ATP8A2: variants seen among roughly 807,000 people sequenced by gnomAD.
The protein encoded by ATP8A2 is ATPase phospholipid transporting 8A2.
Under a neutral mutation model 165.6 loss-of-function variants are expected in ATP8A2, and 100 were observed. The ratio of observed to expected loss-of-function variants is 0.60; its 90% CI spans 0.51 to 0.71. The LOEUF (loss-of-function observed/expected upper bound fraction) is 0.71. ATP8A2 is among the 30% of genes least tolerant of loss of function. The pLI is 0.00. For missense variants in ATP8A2, 1,227 were observed against 1,479.5 expected (o/e 0.83, Z 2.80); for synonymous variants, 543 against 548.8 (o/e 0.99, Z 0.15).
At chr13:25,617,872 AT>A (rs2040866671) in intron 24 of ATP8A2, among the ~76,000 whole-genome samples, 1 of 152,170 alleles carries the variant, frequency 6.6e-6, no homozygotes, top group African/African-American at 2.4e-5. Context: ...CTAAAATCTT[AT>A]GAGTTGAGAC....
At chr13:25,465,540 TC>T (rs1232749385) in intron 1 of ATP8A2, among the ~76,000 whole-genome samples, 1 of 144,824 alleles carries the variant, frequency 6.9e-6, no homozygotes, top group Non-Finnish European at 1.5e-5. Context: ...AAGTTATTGT[TC>T]CTGTTATTTA....
At chr13:25,949,614 T>C (rs751277908) in intron 33 of ATP8A2, among the ~76,000 whole-genome samples, 4 of 152,176 alleles carry the variant, frequency 2.6e-5, no homozygotes, top group Non-Finnish European at 4.4e-5. Flanking sequence ...TCCTGGAAGC[T>C]GCAGTCTCAC....
chr13:25,825,722 G>T (rs931375060), intron 27 of ATP8A2, among the ~76,000 whole-genome samples: 4 of 152,132 alleles, frequency 2.6e-5, no homozygotes, highest in Admixed American at 2.0e-4. Context: ...GACCTCCAGT[G>T]GTAGGGAGAG....
chr13:25,867,629 A>G (rs1593474346), intron 33 of ATP8A2, among the ~76,000 whole-genome samples: 1 of 152,090 alleles, frequency 6.6e-6, no homozygotes, highest in South Asian at 2.1e-4. Flanking sequence ...TGTGACTTCC[A>G]CCCCTAAGTC....
chr13:25,831,716 A>G (rs181305089), intron 28 of ATP8A2, among the ~76,000 whole-genome samples: 2 of 151,450 alleles, frequency 1.3e-5, no homozygotes, highest in African/African-American at 4.8e-5. Flanking sequence ...GACGGTGTGC[A>G]CCTGTAATCC....
chr13:25,961,784 G>A, intron 34 of ATP8A2, 121 bp downstream of exon 34: 1 of 759,158 alleles, frequency 1.3e-6, no homozygotes, highest in Non-Finnish European at 2.2e-6. Flanking sequence ...TGGGTCTCCT[G>A]CCACCTGCCA....
At chr13:25,497,339 C>A (rs778265810) in intron 2 of ATP8A2, among the ~76,000 whole-genome samples, 1 of 152,078 alleles carries the variant, frequency 6.6e-6, no homozygotes, top group Non-Finnish European at 1.5e-5. Context: ...TTTAACCATT[C>A]AAAAGAATGG....
intron 27 of ATP8A2, among the ~76,000 whole-genome samples, chr13:25,782,542 T>C (rs188399020): frequency 2.0e-5 from 3 of 152,300 alleles, no homozygotes; most frequent in Admixed American, 2.0e-4. Flanking sequence ...CACAGGGTAC[T>C]GGTTCCAGGA....
chr13:25,760,500 C>T (rs2044359861), intron 25 of ATP8A2, among the ~76,000 whole-genome samples: 1 of 151,988 alleles, frequency 6.6e-6, no homozygotes, highest in Admixed American at 6.6e-5. Context: ...GACTTAACAT[C>T]CAACGTAAGA....
Position 25,748,588 on chromosome 13 carries a change from G to A in ATP8A2, c.2385-20458G>A, listed in dbSNP as rs901548764. Among the ~76,000 whole-genome samples, 8 of 152,184 alleles carry A rather than the reference G, an allele frequency of 5.3e-5. 1 individual carries two copies. Among genetic ancestry groups the A allele is most frequent in the South Asian group, 4.1e-4 (2 of 4,826 alleles). ...CTTGTTTAATTGTTTAGTGCAGAAC[G>A]CGGTTTGATCTCTTTCTTGTGCTTT... On this transcript the variant is annotated intron_variant, in intron 25 of 36. Transcript: ENST00000381655.
At chr13:25,836,455 A>G (rs559540203) in intron 28 of ATP8A2, among the ~76,000 whole-genome samples, 22 of 152,238 alleles carry the variant, frequency 1.4e-4, no homozygotes, top group Non-Finnish European at 2.9e-5. Flanking sequence ...TGTTGGTCTA[A>G]TACCTTGCAG....
At chr13:25,708,657 A>C (rs2043100847) in intron 25 of ATP8A2, among the ~76,000 whole-genome samples, 3 of 152,158 alleles carry the variant, frequency 2.0e-5, no homozygotes, top group Admixed American at 2.0e-4. Flanking sequence ...GGAAGCCCCA[A>C]GATTACAGTC....
At chr13:25,404,742 G>A (rs2078941661) in intron 1 of ATP8A2, among the ~76,000 whole-genome samples, 1 of 152,050 alleles carries the variant, frequency 6.6e-6, no homozygotes, top group African/African-American at 2.4e-5. Flanking sequence ...TGATTGAGGT[G>A]TCTGTGTGGG....
chr13:25,681,469 G>A (rs1007182953), intron 24 of ATP8A2, among the ~76,000 whole-genome samples: 1 of 152,144 alleles, frequency 6.6e-6, no homozygotes, highest in Admixed American at 6.5e-5. Flanking sequence ...GATAGCATGT[G>A]CTGTGTGTAC....
intron 25 of ATP8A2, among the ~76,000 whole-genome samples, chr13:25,741,948 G>A (rs2043922326): frequency 6.6e-6 from 1 of 152,166 alleles, no homozygotes; most frequent in African/African-American, 2.4e-5. Flanking sequence ...AGGTGCAAAT[G>A]TTCATTGATG....
chr13:25,511,393 G>T (rs950993984), intron 2 of ATP8A2, among the ~76,000 whole-genome samples: 8 of 152,172 alleles, frequency 5.3e-5, no homozygotes, highest in African/African-American at 1.9e-4. Flanking sequence ...CTGCCCTGTA[G>T]ATGTGTTGCT....
intron 33 of ATP8A2, among the ~76,000 whole-genome samples, chr13:25,872,696 A>G (rs1952711663): frequency 6.6e-6 from 1 of 152,230 alleles, no homozygotes. Flanking sequence ...TAACTGGCTT[A>G]GAGTCCAATA....
intron 25 of ATP8A2, among the ~76,000 whole-genome samples, chr13:25,754,648 A>AAATGAGCT (rs1555261717): frequency 1.1e-4 from 16 of 152,274 alleles, no homozygotes; most frequent in African/African-American, 3.8e-4. Flanking sequence ...GCTCATTTTA[A>AAATGAGCT]AAAATTGTTC....
At chr13:25,591,396 ATCATATAGTAT>A in intron 24 of ATP8A2, 6 of 456,422 alleles carry the variant, frequency 1.3e-5, no homozygotes, top group African/African-American at 8.0e-5. Flanking sequence ...TGTAAGTTCA[ATCATATAGTAT>A]TTGTGATTTT....
Sources: gnomAD v4.1 joint callset for allele counts (sites outside exome capture counted in the v4.1 genomes callset) on GRCh38, gnomAD v4.1.1 for gene constraint, MANE v1.5 for transcripts, NCBI Gene and HGNC (gene_info 2026-07-23, HGNC 2026-07-21) for gene names.